Variants in SEL1L3 observed in about 807,000 individuals in gnomAD.
The protein encoded by SEL1L3 is SEL1L family member 3.
In SEL1L3, 76 loss-of-function variants were observed where a neutral mutation model predicts 142.8. That is an observed-to-expected ratio of 0.53 (90% CI 0.44 to 0.64). SEL1L3 has a LOEUF of 0.64. Among genes scored for constraint, SEL1L3 ranks in the 30% least tolerant of loss-of-function variants. The pLI is 0.00. For synonymous variants in SEL1L3, 504 were observed against 519.6 expected (o/e 0.97, Z 0.41); for missense variants, 1,262 against 1,381.7 (o/e 0.91, Z 1.37).
intron 9 of SEL1L3, among the ~76,000 whole-genome samples, chr4:25,809,982 C>T (rs56774524): frequency 0.016 from 2,377 of 152,282 alleles, 62 homozygotes; most frequent in African/African-American, 0.055. Context: ...CACTCCTTGG[C>T]GTATTGTGTG....
chr4:25,862,792 C>T lies in SEL1L3; in HGVS notation c.45G>A (p.Gln15=), dbSNP rs931349946. 764 of 1,181,370 alleles carry T rather than the reference C, an allele frequency of 6.5e-4. 2 individuals carry two copies. The highest frequency in any genetic ancestry group is 1.7e-3 in the Admixed American group (36 of 21,762). The allele number at this position is 1,181,370 out of a possible 1,614,324, so 73.2% of individuals were successfully genotyped here. The change falls in exon 1 of 24, where the codon CAG becomes CAA. Residue 15 remains glutamine (Q), a synonymous_variant. Coordinates refer to ENST00000399878, the MANE Select transcript of SEL1L3 (RefSeq NM_015187.5). ...GAGLGWPRQQ[Q]QQPPPLAVGP... ...CGACCGCGAGCGGCGGGGGTTGCTGCTGCTGCTGCCGCGGCCACCCGAGCC... is the reference window on the plus strand; with the variant it reads ...CGACCGCGAGCGGCGGGGGTTGCTGTTGCTGCTGCCGCGGCCACCCGAGCC...
chr4:25,724,751 A>G, the SEL1L3 span, among the ~76,000 whole-genome samples: 29 of 126,844 alleles, frequency 2.3e-4, 3 homozygotes, highest in Middle Eastern at 7.3e-3. Context: ...AAAAAAAAAA[A>G]AAAAAAAAAA....
chr4:25,726,099 C>T, the SEL1L3 span, among the ~76,000 whole-genome samples: 1 of 152,008 alleles, frequency 6.6e-6, no homozygotes, highest in African/African-American at 2.4e-5. Flanking sequence ...GTTTGAACGC[C>T]TCTGATGAAA....
At chr4:25,746,712 G>A (rs1346779871), downstream of SEL1L3, among the ~76,000 whole-genome samples, 1 of 151,638 alleles carries the variant, frequency 6.6e-6, no homozygotes, top group Non-Finnish European at 1.5e-5. Context: ...TTCGCCTTCT[G>A]CCATGATTGA....
the SEL1L3 span, among the ~76,000 whole-genome samples, chr4:25,725,260 T>G: frequency 9.2e-4 from 138 of 150,742 alleles, no homozygotes; most frequent in African/African-American, 3.3e-3. Flanking sequence ...AGTAAAGAAA[T>G]AAAAGAATGG....
chr4:25,785,878 T>C (rs1475305163), intron 13 of SEL1L3, among the ~76,000 whole-genome samples: 1 of 152,164 alleles, frequency 6.6e-6, no homozygotes, highest in Non-Finnish European at 1.5e-5. Context: ...TTGACTTAGC[T>C]AAAGTCTCAC....
intron 11 of SEL1L3, among the ~76,000 whole-genome samples, chr4:25,799,346 A>G (rs1314238742): frequency 2.6e-5 from 4 of 152,168 alleles, no homozygotes; most frequent in African/African-American, 9.7e-5. Flanking sequence ...AAGTGCTGGT[A>G]TTACCGGGGT....
the SEL1L3 span, among the ~76,000 whole-genome samples, chr4:25,734,246 A>G: frequency 1.3e-5 from 2 of 151,964 alleles, no homozygotes; most frequent in African/African-American, 4.8e-5. Flanking sequence ...GGGTTTCATC[A>G]TGTTGGCCAG....
intron 23 of SEL1L3, among the ~76,000 whole-genome samples, chr4:25,751,270 G>A (rs1234395110): frequency 9.2e-5 from 14 of 152,210 alleles, no homozygotes; most frequent in Admixed American, 9.2e-4. Flanking sequence ...AGATGCAACA[G>A]GTGAGGAAAG....
At chr4:25,739,720 C>CA in the SEL1L3 span, among the ~76,000 whole-genome samples, 6,102 of 136,876 alleles carry the variant, frequency 0.045, 397 homozygotes, top group African/African-American at 0.15. Context: ...AAACAAAAAA[C>CA]AAAAAAAAAA....
chr4:25,746,030 C>A (rs1365689130), downstream of SEL1L3, among the ~76,000 whole-genome samples: 1 of 152,120 alleles, frequency 6.6e-6, no homozygotes, highest in African/African-American at 2.4e-5. Context: ...ATTTGCTTTG[C>A]TCAAATCTCA....
intron 9 of SEL1L3, among the ~76,000 whole-genome samples, chr4:25,811,898 G>C (rs1301686829): frequency 2.6e-5 from 4 of 152,134 alleles, no homozygotes; most frequent in Admixed American, 6.6e-5. Context: ...GTGACATAAT[G>C]TCTACGACAG....
rs150922594 is a variant in SEL1L3 at position 25,844,484 on chromosome 4, G to A, written c.733+2810C>T. Among the ~76,000 whole-genome samples the A allele has an allele frequency of 4.9e-3, 750 of 152,304 alleles. 3 individuals carry two copies. Among genetic ancestry groups the A allele is most frequent in the Non-Finnish European group, 8.3e-3 (567 of 68,038 alleles). Reference sequence around the variant, plus strand: ...CTCCTAAGGTAATGCTCTGAAGCAGGTGAGGAGAAAAATCCCACTGTGCTG... The same window carrying A: ...CTCCTAAGGTAATGCTCTGAAGCAGATGAGGAGAAAAATCCCACTGTGCTG... On this transcript the variant is annotated intron_variant, in intron 2 of 23. Coordinates refer to ENST00000399878, the MANE Select transcript of SEL1L3 (RefSeq NM_015187.5).
rs748385428 is a variant in SEL1L3 at position 25,804,574 on chromosome 4, C to G, written c.1743G>C (p.Glu581Asp). Residue 581 changes from glutamate (E) to aspartate (D), a missense_variant, in exon 10 of 24, where the codon GAG (glutamate) becomes GAC (aspartate). Around this residue, in one of 3 missense-constraint regions of SEL1L3, gnomAD observed 435 missense variants for 559.2 expected, o/e 0.78. Coordinates refer to ENST00000399878, the MANE Select transcript of SEL1L3 (RefSeq NM_015187.5). ...GATCCCGAGGAACATTTAATCCAGT[C>G]TCATAAAAGACTGCAAGGTAGTAGG... The part of the protein sequence containing the change: ...KASYYLAVFY[E>D]TGLNVPRDQL... 6.2e-7 allele frequency: 1 copy of G among 1,613,284 alleles called. No individual in the cohort carries two copies. Among genetic ancestry groups the G allele is most frequent in the South Asian group, 1.1e-5 (1 of 90,918 alleles).
intron 16 of SEL1L3, chr4:25,777,633 C>T (rs1043692230): frequency 2.9e-5 from 10 of 342,414 alleles, no homozygotes; most frequent in Admixed American, 1.2e-4. Context: ...TGGAATCATT[C>T]AGAATATATT....
chr4:25,826,364 A>G (rs1715095773), intron 6 of SEL1L3, among the ~76,000 whole-genome samples: 1 of 152,216 alleles, frequency 6.6e-6, no homozygotes, highest in South Asian at 2.1e-4. Context: ...CATTATGTTT[A>G]CGTTACAGGA....
chr4:25,817,302 T>C (rs1407140053), intron 9 of SEL1L3, among the ~76,000 whole-genome samples: 3 of 152,192 alleles, frequency 2.0e-5, no homozygotes, highest in Non-Finnish European at 2.9e-5. Context: ...AGGATCTGGT[T>C]CTATGCCCAG....
Position 25,788,268 on chromosome 4 carries a change from C to A in SEL1L3, c.2173G>T (p.Glu725Ter). ...TAGTCATAGATTAACGCAGGATCCT[C>A]CGTCTCCAGGGCGCCCTTGGCGTAC... The part of the protein sequence containing the change: ...EWYAKGALET[E>*]DPALIYDYAI... Residue 725 changes from glutamate to a stop codon, truncating the protein, a stop_gained, in exon 13 of 24, where the codon GAG (glutamate) becomes TAG (stop). Transcript: ENST00000399878. LOFTEE classifies it high-confidence loss of function. This position sits in a 1 kb window ranked among gnomAD's most constrained non-coding sequence, Gnocchi z 5.3. 1 of 1,613,988 alleles carries A rather than the reference C, an allele frequency of 6.2e-7. No individual in the cohort carries two copies.
At chr4:25,760,910 G>A (rs992177282) in intron 20 of SEL1L3, among the ~76,000 whole-genome samples, 3 of 152,102 alleles carry the variant, frequency 2.0e-5, no homozygotes, top group African/African-American at 4.8e-5. Flanking sequence ...TGAGGAAACC[G>A]AGGCACAGAG....
Sources: allele counts gnomAD v4.1 joint callset (sites outside exome capture counted in the v4.1 genomes callset), GRCh38; gene constraint gnomAD v4.1.1; regional missense constraint gnomAD v4.1.1; non-coding constraint Gnocchi (gnomAD v3.1); transcripts MANE v1.5; gene names NCBI Gene and HGNC (gene_info 2026-07-23, HGNC 2026-07-21).